The following ZYG11B variants were observed in gnomAD, a reference collection of about 807,000 sequenced individuals.
ZYG11B encodes zyg-11 family member B, cell cycle regulator.
ZYG11B carries 36 observed loss-of-function variants against 82.4 expected under a neutral mutation model. The ratio of observed to expected loss-of-function variants is 0.44; its 90% CI spans 0.33 to 0.58. ZYG11B has a LOEUF of 0.58. ZYG11B is among the 20% of genes least tolerant of loss of function. The probability of loss-of-function intolerance (pLI) is 0.02; values close to 1 mark genes in which losing one functional copy is unlikely to be tolerated. For synonymous variants in ZYG11B, 303 were observed against 312.8 expected (o/e 0.97, Z 0.33); for missense variants, 552 against 895.6 (o/e 0.62, Z 4.90).
intron 13 of ZYG11B, 147 bp downstream of exon 13, chr1:52,816,776 TATTC>T: frequency 1.5e-5 from 8 of 528,392 alleles, no homozygotes; most frequent in Middle Eastern, 5.3e-4. Flanking sequence ...AAACTTAAGG[TATTC>T]TTTTTTTTTT....
At chr1:52,767,764 T>G (rs936210955) in intron 2 of ZYG11B, among the ~76,000 whole-genome samples, 2 of 152,214 alleles carry the variant, frequency 1.3e-5, no homozygotes. Flanking sequence ...CCCAGTTGGC[T>G]TCTACTGACA....
At chr1:52,796,975 T>G (rs1353121745) in intron 8 of ZYG11B, among the ~76,000 whole-genome samples, 191 bp downstream of exon 8, 1 of 66,070 alleles carries the variant, frequency 1.5e-5, no homozygotes, top group Non-Finnish European at 2.4e-5. Context: ...ATAATATATA[T>G]AAATATATAT....
chr1:52,808,760 A>T (rs1201401402), intron 10 of ZYG11B, among the ~76,000 whole-genome samples: 2 of 152,166 alleles, frequency 1.3e-5, no homozygotes, highest in African/African-American at 4.8e-5. Flanking sequence ...ACATTGTCCC[A>T]CATGTTACTG....
At chr1:52,797,191 A>ATATT (rs1558137589) in intron 8 of ZYG11B, among the ~76,000 whole-genome samples, 15 of 78,250 alleles carry the variant, frequency 1.9e-4, no homozygotes, top group African/African-American at 8.3e-4. Context: ...TATATATTAT[A>ATATT]TATAAATTAT....
chr1:52,771,674 T>C lies in ZYG11B; in HGVS notation c.851T>C (p.Val284Ala), dbSNP rs1644752273. ...AGAAAGCACGTGACAGATAAAGCCG[T>C]TGAAGCCTTTATACAACAACGTCCA... The part of the protein sequence containing the change: ...SGRKHVTDKA[V>A]EAFIQQRPSM... The change falls in exon 3 of 14, where the codon GTT becomes GCT. Residue 284 changes from valine to alanine, a missense_variant. By Grantham distance (64) the Val-to-Ala change is moderately conservative (BLOSUM62 0). Coordinates refer to ENST00000294353, the MANE Select transcript of ZYG11B (RefSeq NM_024646.3). This position sits in a 1 kb window ranked among gnomAD's most constrained non-coding sequence, Gnocchi z 5.4. The C allele has an allele frequency of 6.2e-7, 1 of 1,614,124 alleles. No individual in the cohort carries two copies. Among genetic ancestry groups the C allele is most frequent in the South Asian group, 1.1e-5 (1 of 91,090 alleles).
intron 2 of ZYG11B, among the ~76,000 whole-genome samples, chr1:52,767,189 T>G (rs1644701684): frequency 6.6e-6 from 1 of 151,452 alleles, no homozygotes; most frequent in African/African-American, 2.4e-5. Context: ...TTACGTTATG[T>G]TATTTTATTT....
chr1:52,773,589 A>G (rs1219422628), intron 3 of ZYG11B, among the ~76,000 whole-genome samples: 7 of 103,848 alleles, frequency 6.7e-5, no homozygotes, highest in Non-Finnish European at 1.8e-5. Context: ...TTATAGATGT[A>G]TGCTTTAAAC....
intron 1 of ZYG11B, among the ~76,000 whole-genome samples, chr1:52,744,715 G>A (rs1644462391): frequency 1.3e-5 from 2 of 152,104 alleles, no homozygotes; most frequent in African/African-American, 2.4e-5. Context: ...GGTGGCACGC[G>A]CCTGTAGTCC....
chr1:52,817,753 A>G, intron 13 of ZYG11B, among the ~76,000 whole-genome samples: 1 of 130,188 alleles, frequency 7.7e-6, no homozygotes, highest in African/African-American at 2.7e-5. Context: ...AACCACTTTA[A>G]TAGTAAAGTG....
intron 2 of ZYG11B, among the ~76,000 whole-genome samples, chr1:52,768,596 C>CTT (rs142493514): frequency 0.027 from 3,636 of 136,798 alleles, 140 homozygotes; most frequent in East Asian, 0.17. Flanking sequence ...CCTTCTTCCT[C>CTT]TTTTTTTTTT....
In ZYG11B at chr1:52,726,509, T is replaced by C; in HGVS notation, c.-145T>C. 4.2e-6 allele frequency: 3 copies of C among 720,782 alleles called. No individual in the cohort carries two copies. The highest frequency in any genetic ancestry group is 5.8e-6 in the Non-Finnish European group (3 of 514,484). The allele number at this position is 720,782 out of a possible 1,614,324, so 44.6% of individuals were successfully genotyped here. A position where few individuals can be genotyped will look rare whatever the true frequency, so the allele number is the denominator to read the frequency against. The stretch of plus-strand genomic sequence containing the variant: ...CGGCTGCGGCTGCGGCTGCTACTGC[T>C]ACGCTCCTAGCTTGAGGGAAAGAGG... On this transcript the variant is annotated 5_prime_UTR_variant, in exon 1 of 14. Transcript: ENST00000294353.
At chr1:52,812,711 G>GGTTTGTTTGTTTGTTTGTTT (rs59906595) in intron 10 of ZYG11B, among the ~76,000 whole-genome samples, 2 of 149,684 alleles carry the variant, frequency 1.3e-5, no homozygotes, top group Admixed American at 1.3e-4. Context: ...GGCTGTTTTG[G>GGTTTGTTTGTTTGTTTGTTT]GTTTGTTTGT....
At chr1:52,803,099 C>CACATATATAT (rs1558139992) in intron 10 of ZYG11B, among the ~76,000 whole-genome samples, 171 of 10,786 alleles carry the variant, frequency 0.016, 15 homozygotes, top group South Asian at 0.043. Flanking sequence ...TATATATATA[C>CACATATATAT]ATATATATAT....
At chr1:52,778,366 T>C (rs1262369040) in intron 3 of ZYG11B, among the ~76,000 whole-genome samples, 3 of 152,124 alleles carry the variant, frequency 2.0e-5, no homozygotes, top group African/African-American at 7.2e-5. Context: ...GTTAAAGTGA[T>C]GCTCCTGCCT....
In ZYG11B at chr1:52,783,838, A is replaced by ATATGTACATACACATGTGCG. The variant is rs1644880406; in HGVS notation, c.1093-1026_1093-1025insATGTGCGTATGTACATACAC. Among the ~76,000 whole-genome samples, 515 of 101,750 alleles carry ATATGTACATACACATGTGCG rather than the reference A, an allele frequency of 5.1e-3. 14 individuals carry two copies. The highest frequency in any genetic ancestry group is 0.018 in the African/African-American group (496 of 27,046). 66.8% of individuals were successfully genotyped at this position (101,750 alleles called of 152,430 possible). A position where few individuals can be genotyped will look rare whatever the true frequency, so the allele number is the denominator to read the frequency against. On this transcript the variant is annotated intron_variant, in intron 4 of 13. Transcript: ENST00000294353. ...CACGTATATGTATACATACGTGTGTATATGTACATACACGTGTGTGTGTAT... is the reference window on the plus strand; with the variant it reads ...CACGTATATGTATACATACGTGTGTATATGTACATACACATGTGCGTATGTACATACACGTGTGTGTGTAT...
chr1:52,751,400 C>T (rs1210657115), intron 1 of ZYG11B, among the ~76,000 whole-genome samples: 8 of 149,830 alleles, frequency 5.3e-5, no homozygotes, highest in Non-Finnish European at 8.9e-5. Flanking sequence ...GAGGCCGAGG[C>T]GGGCAGATCA....
chr1:52,789,953 T>A, intron 5 of ZYG11B, 50 bp from the exon 6 acceptor site: 2 of 1,342,226 alleles, frequency 1.5e-6, no homozygotes, highest in East Asian at 2.4e-5. Flanking sequence ...GGTTAAAATA[T>A]AACAAAGTGA....
intron 3 of ZYG11B, chr1:52,772,590 C>T (rs1166666752): frequency 4.6e-5 from 70 of 1,513,066 alleles, no homozygotes; most frequent in Non-Finnish European, 3.9e-5. Flanking sequence ...GGGGAAGCTG[C>T]GTCGATAGGG....
intron 2 of ZYG11B, among the ~76,000 whole-genome samples, chr1:52,767,800 T>G (rs1258365359): frequency 1.3e-5 from 2 of 152,180 alleles, no homozygotes; most frequent in Non-Finnish European, 2.9e-5. Context: ...GTGGCCTCAT[T>G]ACTGTTGGGC....
Sources: gnomAD v4.1 joint callset for allele counts (sites outside exome capture counted in the v4.1 genomes callset) on GRCh38, gnomAD v4.1.1 for gene constraint, Gnocchi (gnomAD v3.1) non-coding constraint, MANE v1.5 for transcripts, NCBI Gene and HGNC (gene_info 2026-07-23, HGNC 2026-07-21) for gene names.